Variants in PKP4 observed in about 807,000 individuals in gnomAD.
PKP4 encodes the protein plakophilin 4, also known as plakophilin-4.
A neutral mutation model predicts 145.1 loss-of-function variants in PKP4; 90 were observed. That is an observed-to-expected ratio of 0.62 (90% CI 0.52 to 0.74). The LOEUF (loss-of-function observed/expected upper bound fraction) is 0.74. Ranked by LOEUF, PKP4 falls within the 30% of genes least tolerant of loss-of-function variation. The pLI is 0.00. For missense variants in PKP4, 1,340 were observed against 1,482.7 expected (o/e 0.90, Z 1.58); for synonymous variants, 563 against 577.2 (o/e 0.98, Z 0.35).
chr2:158,509,713 T>C (rs1442280632), intron 1 of PKP4, among the ~76,000 whole-genome samples: 1 of 152,124 alleles, frequency 6.6e-6, no homozygotes, highest in East Asian at 1.9e-4. Context: ...TTTGGGAGGC[T>C]GAGGCGAGTG....
At chr2:158,563,991 A>G (rs537207128) in intron 2 of PKP4, among the ~76,000 whole-genome samples, 8 of 152,346 alleles carry the variant, frequency 5.3e-5, no homozygotes, top group African/African-American at 1.9e-4. Context: ...GTCCTGGTAC[A>G]TGCAAATAAT....
At chr2:158,561,116 T>C (rs1285953503) in intron 2 of PKP4, among the ~76,000 whole-genome samples, 1 of 152,148 alleles carries the variant, frequency 6.6e-6, no homozygotes, top group Non-Finnish European at 1.5e-5. Flanking sequence ...TTAGATGAAA[T>C]CAAATTTCAG....
intron 16 of PKP4, among the ~76,000 whole-genome samples, chr2:158,667,721 A>G (rs537907151): frequency 1.3e-5 from 2 of 152,246 alleles, no homozygotes; most frequent in African/African-American, 4.8e-5. Flanking sequence ...CATTCCTTTA[A>G]GCCAAATCAT....
rs1003564273 is a variant in PKP4 at position 158,546,376 on chromosome 2, G to A, written c.132+13060G>A. ...CTTTCAGAGTGAAGCCTGCAAACAG[G>A]AAATGCCCAGGTAAAGATGGTTAGA... On this transcript the variant is annotated intron_variant, in intron 2 of 21. Coordinates refer to ENST00000389759, the MANE Select transcript of PKP4 (RefSeq NM_003628.6). 3.9e-5 allele frequency among the ~76,000 whole-genome samples: 6 copies of A among 152,276 alleles called. No individual in the cohort carries two copies. In the South Asian group the frequency reaches 1.2e-3, roughly 32 times the overall value.
At chr2:158,543,056 C>G (rs2044664443) in intron 2 of PKP4, among the ~76,000 whole-genome samples, 1 of 152,160 alleles carries the variant, frequency 6.6e-6, no homozygotes, top group South Asian at 2.1e-4. Flanking sequence ...ATTTTGGTCA[C>G]TGAACATTTC....
At chr2:158,564,070 T>G (rs2046768421) in intron 2 of PKP4, among the ~76,000 whole-genome samples, 1 of 152,088 alleles carries the variant, frequency 6.6e-6, no homozygotes, top group Admixed American at 6.6e-5. Flanking sequence ...AATTGTGTTG[T>G]AACAAGTGAT....
intron 1 of PKP4, among the ~76,000 whole-genome samples, chr2:158,522,442 GATAC>G (rs57827006): frequency 0.21 from 32,087 of 151,936 alleles, 3,545 homozygotes; most frequent in Middle Eastern, 0.34. Flanking sequence ...ATAAGATTAA[GATAC>G]ATACATGCAT....
chr2:158,562,295 A>G (rs1372129080), intron 2 of PKP4, among the ~76,000 whole-genome samples: 2 of 152,256 alleles, frequency 1.3e-5, no homozygotes, highest in South Asian at 4.1e-4. Context: ...AAAATGTGGC[A>G]TATATATTGC....
chr2:158,505,479 T>G (rs1318863927), intron 1 of PKP4, among the ~76,000 whole-genome samples: 1 of 152,112 alleles, frequency 6.6e-6, no homozygotes, highest in East Asian at 1.9e-4. Context: ...AGGCCCAGGT[T>G]TTTCCTCCTG....
intron 1 of PKP4, among the ~76,000 whole-genome samples, chr2:158,477,611 C>T (rs1008511444): frequency 4.6e-5 from 7 of 152,158 alleles, no homozygotes; most frequent in African/African-American, 1.7e-4. Flanking sequence ...GTAAGGTTTC[C>T]TGAAATTCTG....
intron 6 of PKP4, 57 bp from the exon 7 acceptor site, chr2:158,624,821 G>T: frequency 7.4e-7 from 1 of 1,350,528 alleles, no homozygotes. Context: ...TTTTGTAATG[G>T]CAATGAACAC....
chr2:158,669,614 T>C lies in PKP4; in HGVS notation c.2729-106T>C, dbSNP rs114037672. 46 of 877,202 alleles carry C rather than the reference T, an allele frequency of 5.2e-5. No homozygotes were observed. In the African/African-American group the frequency reaches 5.5e-4, roughly 10 times the overall value. The allele number at this position is 877,202 out of a possible 1,614,324, so 54.3% of individuals were successfully genotyped here. On this transcript the variant is annotated intron_variant, in intron 16 of 21. Transcript: ENST00000389759. ...TGATTTTTTCCCCTATTATTGTCTC[T>C]TTGGGGGTTTTATTTTTAAGAGATT...
intron 1 of PKP4, among the ~76,000 whole-genome samples, chr2:158,483,366 TG>T (rs1178014896): frequency 1.8e-4 from 7 of 38,096 alleles, no homozygotes; most frequent in Non-Finnish European, 7.8e-5. Flanking sequence ...CATTGCTATG[TG>T]TTTTTTTTTT....
At chr2:158,489,662 A>C (rs1259606452) in intron 1 of PKP4, among the ~76,000 whole-genome samples, 4 of 151,796 alleles carry the variant, frequency 2.6e-5, no homozygotes. Context: ...TCAGTGTTAC[A>C]GTATCAGAAA....
chr2:158,565,265 T>A (rs535395619), intron 2 of PKP4, among the ~76,000 whole-genome samples: 158 of 152,322 alleles, frequency 1.0e-3, no homozygotes, highest in Non-Finnish European at 1.9e-3. Context: ...GATATTAAAT[T>A]GTGCCCATTC....
intron 1 of PKP4, among the ~76,000 whole-genome samples, chr2:158,483,374 T>TG (rs1179392884): frequency 5.2e-5 from 2 of 38,256 alleles, no homozygotes; most frequent in African/African-American, 1.2e-4. Flanking sequence ...TGTGTTTTTT[T>TG]TTTTAAATCA....
At chr2:158,534,063 G>C (rs1433424102) in intron 2 of PKP4, among the ~76,000 whole-genome samples, 2 of 151,558 alleles carry the variant, frequency 1.3e-5, no homozygotes, top group African/African-American at 2.4e-5. Context: ...TGTGTCCCCT[G>C]TGAGGGTTAT....
intron 1 of PKP4, among the ~76,000 whole-genome samples, chr2:158,463,472 A>G (rs939765740): frequency 1.1e-4 from 16 of 151,980 alleles, no homozygotes; most frequent in African/African-American, 3.9e-4. Context: ...AAGAAAGGCT[A>G]GAAAAGAGGA....
intron 1 of PKP4, among the ~76,000 whole-genome samples, chr2:158,519,391 G>T (rs2042174664): frequency 2.0e-5 from 3 of 152,114 alleles, no homozygotes; most frequent in African/African-American, 2.4e-5. Context: ...TCCCCCCTGG[G>T]TGTCAGTGTC....
Sources: gnomAD v4.1 joint callset for allele counts (sites outside exome capture counted in the v4.1 genomes callset) on GRCh38, gnomAD v4.1.1 for gene constraint, MANE v1.5 for transcripts, NCBI Gene and HGNC (gene_info 2026-07-23, HGNC 2026-07-21) for gene names.